The following GPC5 variants were observed in gnomAD, a reference collection of about 807,000 sequenced individuals.
GPC5 encodes glypican 5.
GPC5 carries 47 observed loss-of-function variants against 53.9 expected under a neutral mutation model. The ratio of observed to expected loss-of-function variants is 0.87; its 90% confidence interval spans 0.69 to 1.11. The LOEUF (loss-of-function observed/expected upper bound fraction) is 1.11, where lower values mean the gene tolerates loss of function less well. Among genes scored for constraint, GPC5 ranks in the 50% most tolerant of loss-of-function variants. The pLI is 0.00. For missense variants in GPC5, 748 were observed against 713.1 expected (o/e 1.05, Z -0.56); for synonymous variants, 286 against 263.3 (o/e 1.09, Z -0.84).
intron 7 of GPC5, among the ~76,000 whole-genome samples, chr13:92,748,016 A>T (rs1001662440): frequency 1.3e-5 from 2 of 152,146 alleles, no homozygotes; most frequent in Non-Finnish European, 2.9e-5. Flanking sequence ...AACCCAAACG[A>T]TGATGGCCTG....
chr13:91,422,465 G>A (rs1003208073), intron 1 of GPC5, among the ~76,000 whole-genome samples: 12 of 151,872 alleles, frequency 7.9e-5, no homozygotes, highest in African/African-American at 2.9e-4. Flanking sequence ...GTGAAACCTC[G>A]TCTCTACTAA....
chr13:92,736,012 AT>A (rs1402987136), intron 7 of GPC5, among the ~76,000 whole-genome samples: 2 of 152,018 alleles, frequency 1.3e-5, no homozygotes, highest in African/African-American at 4.8e-5. Flanking sequence ...ATTACATAAC[AT>A]TATACCCAGT....
intron 6 of GPC5, among the ~76,000 whole-genome samples, chr13:92,012,909 C>A (rs1293716514): frequency 6.6e-6 from 1 of 152,198 alleles, no homozygotes; most frequent in Non-Finnish European, 1.5e-5. Context: ...GAGTGCAGGA[C>A]TCACAGCCAG....
chr13:91,851,835 CT>C (rs2038917443), intron 5 of GPC5, among the ~76,000 whole-genome samples: 1 of 132,174 alleles, frequency 7.6e-6, no homozygotes, highest in African/African-American at 3.0e-5. Flanking sequence ...TGAAGTCATC[CT>C]TTTTTATGTC....
At chr13:92,233,630 T>C (rs1427080164) in intron 7 of GPC5, among the ~76,000 whole-genome samples, 1 of 152,084 alleles carries the variant, frequency 6.6e-6, no homozygotes, top group Non-Finnish European at 1.5e-5. Flanking sequence ...TGTTTGTTAA[T>C]TTTTTTTATG....
At chr13:91,888,885 A>G (rs1253741857) in intron 5 of GPC5, among the ~76,000 whole-genome samples, 1 of 152,174 alleles carries the variant, frequency 6.6e-6, no homozygotes, top group African/African-American at 2.4e-5. Flanking sequence ...TAACAATGTA[A>G]CATAGGGAGG....
chr13:92,681,533 G>A (rs1436190364), intron 7 of GPC5, among the ~76,000 whole-genome samples: 1 of 152,022 alleles, frequency 6.6e-6, no homozygotes, highest in Non-Finnish European at 1.5e-5. Flanking sequence ...TCAGGGCTGT[G>A]GTTCTGAAAA....
intron 7 of GPC5, among the ~76,000 whole-genome samples, chr13:92,302,065 T>C (rs1056632144): frequency 1.3e-5 from 2 of 152,220 alleles, no homozygotes; most frequent in African/African-American, 2.4e-5. Context: ...GTTGAATATA[T>C]ATAATGCAGT....
chr13:91,785,994 A>AGG (rs1414516058), intron 5 of GPC5, among the ~76,000 whole-genome samples: 2 of 151,734 alleles, frequency 1.3e-5, no homozygotes, highest in Non-Finnish European at 2.9e-5. Context: ...CAATGATTCA[A>AGG]AGTTTTTCTT....
chr13:92,819,456 C>T (rs1877600530), intron 7 of GPC5, among the ~76,000 whole-genome samples: 1 of 152,206 alleles, frequency 6.6e-6, no homozygotes, highest in South Asian at 2.1e-4. Flanking sequence ...TAAAATGAAG[C>T]TGTTTGCTAA....
At chr13:92,427,663 T>G (rs1213572848) in intron 7 of GPC5, among the ~76,000 whole-genome samples, 6 of 152,050 alleles carry the variant, frequency 3.9e-5, no homozygotes, top group Non-Finnish European at 5.9e-5. Context: ...ACATTAAGAA[T>G]ATTTATTTTT....
chr13:92,825,640 A>T (rs1594531950), intron 7 of GPC5, among the ~76,000 whole-genome samples: 1 of 152,138 alleles, frequency 6.6e-6, no homozygotes, highest in African/African-American at 2.4e-5. Context: ...AGAGTACAAA[A>T]GTGCTGTCTA....
chr13:91,587,913 A>G (rs2032658382), intron 2 of GPC5, among the ~76,000 whole-genome samples: 1 of 152,154 alleles, frequency 6.6e-6, no homozygotes, highest in Non-Finnish European at 1.5e-5. Flanking sequence ...ATTGTATATT[A>G]TGCTTGCTCT....
chr13:92,557,476 C>T (rs1284804781), intron 7 of GPC5, among the ~76,000 whole-genome samples: 4 of 151,878 alleles, frequency 2.6e-5, no homozygotes, highest in Admixed American at 2.0e-4. Flanking sequence ...TAAAATAAAA[C>T]ATAAACACCT....
intron 7 of GPC5, among the ~76,000 whole-genome samples, chr13:92,572,278 T>C (rs1883051228): frequency 6.6e-6 from 1 of 152,192 alleles, no homozygotes; most frequent in Non-Finnish European, 1.5e-5. Context: ...ATAGTAAAAA[T>C]ACTATGCTAA....
At chr13:91,991,965 A>G (rs1246069301) in intron 6 of GPC5, among the ~76,000 whole-genome samples, 3 of 152,228 alleles carry the variant, frequency 2.0e-5, no homozygotes, top group Non-Finnish European at 4.4e-5. Context: ...TGTGTTTATG[A>G]TGTACACATA....
chr13:92,631,340 C>T (rs1389467062), intron 7 of GPC5, among the ~76,000 whole-genome samples: 2 of 151,926 alleles, frequency 1.3e-5, no homozygotes, highest in Non-Finnish European at 2.9e-5. Flanking sequence ...TTCTAGACAG[C>T]CAAGTTTATT....
rs550961626 is a variant in GPC5, at chr13:92,313,920, T to A, written c.1561+168931T>A. ...TTGGAGATTTTTCCATATCCAGATA[T>A]AATAACCACCTAGATAAATGTTCAC... On this transcript the variant is annotated intron_variant, in intron 7 of 7. Transcript: ENST00000377067. Among the ~76,000 whole-genome samples the A allele has an allele frequency of 2.6e-5, 4 of 152,324 alleles. No individual in the cohort carries two copies. The South Asian group carries it at 8.3e-4, about 32-fold the overall frequency.
intron 2 of GPC5, among the ~76,000 whole-genome samples, chr13:91,549,946 C>A (rs1166676475): frequency 6.6e-6 from 1 of 152,166 alleles, no homozygotes; most frequent in East Asian, 1.9e-4. Context: ...GTACAAAAAC[C>A]TGCACATGGA....
Sources: gnomAD v4.1 joint callset for allele counts (sites outside exome capture counted in the v4.1 genomes callset) on GRCh38, gnomAD v4.1.1 for gene constraint, MANE v1.5 for transcripts, NCBI Gene and HGNC (gene_info 2026-07-23, HGNC 2026-07-21) for gene names.